ENTREP2: variants seen among roughly 807,000 people sequenced by gnomAD.
The protein encoded by ENTREP2 is endosomal transmembrane epsin interactor 2.
the ENTREP2 span, among the ~76,000 whole-genome samples, chr15:29,187,073 G>A: frequency 1.3e-5 from 2 of 151,866 alleles, no homozygotes; most frequent in Non-Finnish European, 2.9e-5. Flanking sequence ...AGATGCTACC[G>A]TTCTTTTCCT....
At chr15:29,339,637 C>T in the ENTREP2 span, among the ~76,000 whole-genome samples, 104,346 of 151,678 alleles carry the variant, frequency 0.69, 37,786 homozygotes, top group Middle Eastern at 0.82. Context: ...CCCCCAGCAG[C>T]ACTCCAATTT....
the ENTREP2 span, among the ~76,000 whole-genome samples, chr15:29,313,781 A>G: frequency 6.6e-6 from 1 of 152,208 alleles, no homozygotes; most frequent in East Asian, 1.9e-4. Context: ...GCATTTCACA[A>G]AGCTAGAGAT....
chr15:29,589,231 A>C, the ENTREP2 span, among the ~76,000 whole-genome samples: 1 of 152,128 alleles, frequency 6.6e-6, no homozygotes, highest in East Asian at 1.9e-4. Flanking sequence ...CTCACCTCAC[A>C]ATAACTTATC....
the ENTREP2 span, among the ~76,000 whole-genome samples, chr15:29,436,710 G>A: frequency 2.6e-5 from 4 of 152,050 alleles, no homozygotes; most frequent in Admixed American, 1.3e-4. Context: ...AAATGCATTC[G>A]GAAGCTTGAA....
chr15:29,490,744 C>G, the ENTREP2 span, among the ~76,000 whole-genome samples: 2 of 152,208 alleles, frequency 1.3e-5, no homozygotes, highest in African/African-American at 2.4e-5. Context: ...GGTGCATATA[C>G]AATCCTCCAG....
At chr15:29,515,011 CTCTG>C in the ENTREP2 span, among the ~76,000 whole-genome samples, 8 of 152,224 alleles carry the variant, frequency 5.3e-5, no homozygotes, top group Non-Finnish European at 1.0e-4. Flanking sequence ...TTGATGGAAT[CTCTG>C]TCTGCATGAA....
At chr15:29,348,504 C>G in the ENTREP2 span, among the ~76,000 whole-genome samples, 1 of 152,124 alleles carries the variant, frequency 6.6e-6, no homozygotes, top group African/African-American at 2.4e-5. Context: ...GGAAGACCGG[C>G]TCGGGAGTGG....
the ENTREP2 span, among the ~76,000 whole-genome samples, chr15:29,475,366 T>C: frequency 1.3e-5 from 2 of 152,142 alleles, no homozygotes; most frequent in Non-Finnish European, 2.9e-5. Context: ...CTGAGTCCTG[T>C]GACCACAGCC....
chr15:29,363,943 A>C, the ENTREP2 span, among the ~76,000 whole-genome samples: 3 of 152,198 alleles, frequency 2.0e-5, no homozygotes, highest in Non-Finnish European at 4.4e-5. Context: ...GAGAGCTACC[A>C]GGGCTTTTGG....
the ENTREP2 span, among the ~76,000 whole-genome samples, chr15:29,468,478 C>T: frequency 6.6e-5 from 10 of 152,068 alleles, no homozygotes; most frequent in African/African-American, 9.6e-5. Context: ...GGGGTGGTGG[C>T]GCATGCCTGT....
At chr15:29,576,246 C>T in the ENTREP2 span, among the ~76,000 whole-genome samples, 2 of 152,176 alleles carry the variant, frequency 1.3e-5, no homozygotes, top group African/African-American at 4.8e-5. Flanking sequence ...ATAGTCTCTT[C>T]AACAGATGGT....
At chr15:29,292,942 A>T in the ENTREP2 span, among the ~76,000 whole-genome samples, 64 of 152,352 alleles carry the variant, frequency 4.2e-4, no homozygotes, top group Middle Eastern at 0.01. Context: ...ATCAAAACTT[A>T]TGGCTTCTCA....
At chr15:29,438,061 C>G in the ENTREP2 span, among the ~76,000 whole-genome samples, 7 of 152,338 alleles carry the variant, frequency 4.6e-5, no homozygotes, top group African/African-American at 1.7e-4. Flanking sequence ...GCAGCTCCAG[C>G]CTTGAACACA....
At chr15:29,618,917 A>C in the ENTREP2 span, among the ~76,000 whole-genome samples, 1 of 152,226 alleles carries the variant, frequency 6.6e-6, no homozygotes, top group African/African-American at 2.4e-5. Context: ...AAACCAAAGG[A>C]AGAAAGTTAC....
chr15:29,333,382 C>A, the ENTREP2 span, among the ~76,000 whole-genome samples: 2 of 152,116 alleles, frequency 1.3e-5, no homozygotes, highest in African/African-American at 4.8e-5. Context: ...AGCACTGTGC[C>A]CAGGAGGCAG....
the ENTREP2 span, among the ~76,000 whole-genome samples, chr15:29,231,676 CTTAA>C: frequency 3.3e-5 from 5 of 151,752 alleles, no homozygotes; most frequent in Non-Finnish European, 7.4e-5. Flanking sequence ...TGTGTTTTGC[CTTAA>C]TTATTCTTCA....
chr15:29,224,366 G>A, the ENTREP2 span, among the ~76,000 whole-genome samples: 1 of 152,126 alleles, frequency 6.6e-6, no homozygotes, highest in African/African-American at 2.4e-5. Flanking sequence ...AAAGAACAAA[G>A]CTTCCACACT....
At chr15:29,477,034 A>T in the ENTREP2 span, among the ~76,000 whole-genome samples, 1 of 152,238 alleles carries the variant, frequency 6.6e-6, no homozygotes, top group African/African-American at 2.4e-5. Context: ...TCAACAGCAC[A>T]CTGGTAGGTA....
the ENTREP2 span, among the ~76,000 whole-genome samples, chr15:29,430,267 C>T: frequency 6.6e-6 from 1 of 152,158 alleles, no homozygotes; most frequent in Admixed American, 6.5e-5. Flanking sequence ...GAGGTCCCTG[C>T]TGAGCCCCGA....
Sources: allele counts gnomAD v4.1 joint callset (sites outside exome capture counted in the v4.1 genomes callset), GRCh38; gene constraint gnomAD v4.1.1; transcripts MANE v1.5; gene names NCBI Gene and HGNC (gene_info 2026-07-23, HGNC 2026-07-21).